FRMD3: variants seen among roughly 807,000 people sequenced by gnomAD.
FRMD3 encodes FERM domain-containing protein 3.
FRMD3 carries 33 observed loss-of-function variants against 70.2 expected under a neutral mutation model. That is an observed-to-expected ratio of 0.47 (90% CI 0.36 to 0.63). The LOEUF (loss-of-function observed/expected upper bound fraction) is 0.63, where lower values mean the gene tolerates loss of function less well. FRMD3 is among the 20% of genes least tolerant of loss of function. FRMD3 has a pLI of 0.00. For missense variants in FRMD3, 632 were observed against 711.4 expected, an observed-to-expected ratio of 0.89 and a Z score of 1.27; for synonymous variants, 279 against 255.9, an observed-to-expected ratio of 1.09 and a Z score of -0.86.
intron 13 of FRMD3, among the ~76,000 whole-genome samples, chr9:83,289,250 G>A (rs1834325438): frequency 6.6e-6 from 1 of 152,256 alleles, no homozygotes; most frequent in African/African-American, 2.4e-5. Flanking sequence ...GGACCCAGAG[G>A]CCCTTAGGCT....
Position 83,248,125 on chromosome 9 carries a change from G to A in FRMD3, c.1587C>T (p.Ser529=), listed in dbSNP as rs748726322. The A allele has an allele frequency of 3.3e-5, 54 of 1,614,054 alleles. 1 individual carries two copies. In the East Asian group the frequency reaches 1.0e-3, roughly 31 times the overall value. The change falls in exon 14 of 14, where the codon TCC becomes TCT. Residue 529 remains serine, a synonymous_variant. Coordinates refer to ENST00000304195, the MANE Select transcript of FRMD3 (RefSeq NM_174938.6). ...IRVNPLVKSF[S]RLLVVGLGLL... is the part of the protein sequence containing the mutation. ...GTCCCAGGCCCACCACAAGGAGCCTGGAAAAACTCTTGACCAGTGGGTTCA... is the reference window on the plus strand; with the variant it reads ...GTCCCAGGCCCACCACAAGGAGCCTAGAAAAACTCTTGACCAGTGGGTTCA...
At chr9:83,555,848 G>A in the FRMD3 span, among the ~76,000 whole-genome samples, 1 of 152,210 alleles carries the variant, frequency 6.6e-6, no homozygotes, top group Non-Finnish European at 1.5e-5. Flanking sequence ...GATGGAGTGG[G>A]TTCACAGGGA....
the FRMD3 span, among the ~76,000 whole-genome samples, chr9:83,562,347 T>C: frequency 6.6e-6 from 1 of 152,152 alleles, no homozygotes; most frequent in African/African-American, 2.4e-5. Flanking sequence ...TGTGCAAAGA[T>C]GGAGATGCGA....
intron 13 of FRMD3, among the ~76,000 whole-genome samples, chr9:83,260,208 G>C (rs569013912): frequency 6.6e-6 from 1 of 152,100 alleles, no homozygotes; most frequent in Admixed American, 6.6e-5. Flanking sequence ...ATGTCTACTC[G>C]GCTGGATACT....
chr9:83,344,948 G>C (rs1823905061), intron 4 of FRMD3, among the ~76,000 whole-genome samples: 1 of 149,826 alleles, frequency 6.7e-6, no homozygotes, highest in South Asian at 2.1e-4. Context: ...CACAGGAAGA[G>C]CGACATGTGT....
chr9:83,246,372 C>T lies in FRMD3; in HGVS notation c.*1546G>A. On this transcript the variant is annotated 3_prime_UTR_variant, in exon 14 of 14. Transcript: ENST00000304195. ...AGTACGTTGCTGATGGTACAATGCT[C>T]TAGTACCTTCCTTGATACCATTAAA... The T allele has an allele frequency of 1.0e-6, 1 of 983,400 alleles. No individual in the cohort carries two copies. The highest frequency in any genetic ancestry group is 1.2e-6 in the Non-Finnish European group (1 of 828,190). The allele number at this position is 983,400 out of a possible 1,614,324, so 60.9% of individuals were successfully genotyped here.
At chr9:83,274,661 G>A (rs909462793) in intron 13 of FRMD3, among the ~76,000 whole-genome samples, 4 of 152,174 alleles carry the variant, frequency 2.6e-5, no homozygotes, top group African/African-American at 7.2e-5. Flanking sequence ...GCCTTGCAGG[G>A]AACTAAGGCT....
the FRMD3 span, among the ~76,000 whole-genome samples, chr9:83,576,557 C>T: frequency 1.3e-5 from 2 of 152,014 alleles, no homozygotes; most frequent in Non-Finnish European, 2.9e-5. Context: ...AAGCCTACTA[C>T]CCACGAGTTA....
chr9:83,407,676 G>C (rs55938439), intron 1 of FRMD3, among the ~76,000 whole-genome samples: 18,015 of 152,148 alleles, frequency 0.12, 1,158 homozygotes, highest in South Asian at 0.15. Flanking sequence ...AAACCAATAA[G>C]TATTCTCTCA....
chr9:83,584,607 T>C, the FRMD3 span, among the ~76,000 whole-genome samples: 1 of 152,230 alleles, frequency 6.6e-6, no homozygotes, highest in Non-Finnish European at 1.5e-5. Flanking sequence ...GAAAGTTTTG[T>C]TTCTTGAAAC....
chr9:83,582,523 C>A, the FRMD3 span, among the ~76,000 whole-genome samples: 1 of 152,088 alleles, frequency 6.6e-6, no homozygotes, highest in Non-Finnish European at 1.5e-5. Context: ...TAGTAACTCC[C>A]ATTATATTGG....
intron 6 of FRMD3, among the ~76,000 whole-genome samples, chr9:83,316,991 G>A (rs749131858): frequency 6.6e-6 from 1 of 152,018 alleles, no homozygotes; most frequent in African/African-American, 2.4e-5. Context: ...GATCACTTGA[G>A]CCCAGAAGTT....
intron 12 of FRMD3, among the ~76,000 whole-genome samples, chr9:83,294,739 T>C (rs978440635): frequency 2.6e-5 from 4 of 152,198 alleles, no homozygotes; most frequent in African/African-American, 9.6e-5. Flanking sequence ...GATAATCTGA[T>C]TCCTGGTCCA....
intron 3 of FRMD3, chr9:83,351,023 T>C (rs1824137835): frequency 2.1e-6 from 2 of 966,064 alleles, no homozygotes; most frequent in South Asian, 4.8e-5. Flanking sequence ...TCAGTAAAGC[T>C]ACTTGGGATC....
rs936549774 is a variant in FRMD3 at position 83,537,488 on chromosome 9, C to T, written c.147+597G>A. Reference sequence around the variant, plus strand: ...CGCGCGCTCCATCCCTCAAGGCTGGCGCCCAGGGCAGCCCGGCCTCTCTCA... The same window carrying T: ...CGCGCGCTCCATCCCTCAAGGCTGGTGCCCAGGGCAGCCCGGCCTCTCTCA... On this transcript the variant is annotated intron_variant, in intron 1 of 13. Transcript: ENST00000304195. This position sits in a 1 kb window ranked among gnomAD's most constrained non-coding sequence, Gnocchi z 4.1. Among the ~76,000 whole-genome samples, 1 of 152,228 alleles carries T rather than the reference C, an allele frequency of 6.6e-6. No homozygotes were observed. The highest frequency in any genetic ancestry group is 2.4e-5 in the African/African-American group (1 of 41,456).
intron 6 of FRMD3, among the ~76,000 whole-genome samples, chr9:83,325,135 G>C (rs1024391095): frequency 2.2e-4 from 34 of 152,270 alleles, no homozygotes; most frequent in Admixed American, 2.1e-3. Flanking sequence ...ATAGAGTGTG[G>C]AATAATAGAC....
chr9:83,382,092 G>A (rs958345909), intron 2 of FRMD3, among the ~76,000 whole-genome samples: 7 of 151,690 alleles, frequency 4.6e-5, no homozygotes, highest in Admixed American at 1.3e-4. Flanking sequence ...TTTAAAGTAC[G>A]CTAGTAACTA....
chr9:83,448,512 A>G (rs1827546547), intron 1 of FRMD3, among the ~76,000 whole-genome samples: 1 of 152,190 alleles, frequency 6.6e-6, no homozygotes, highest in Non-Finnish European at 1.5e-5. Context: ...AGGGAGGGAA[A>G]ATAGAGGTGC....
At chr9:83,507,687 C>CACATATATAT (rs1374507996) in intron 1 of FRMD3, among the ~76,000 whole-genome samples, 2 of 46,930 alleles carry the variant, frequency 4.3e-5, no homozygotes, top group Admixed American at 3.2e-4. Context: ...AAAAAATATA[C>CACATATATAT]ATACATATAT....
Sources: gnomAD v4.1 joint callset for allele counts (sites outside exome capture counted in the v4.1 genomes callset) on GRCh38, gnomAD v4.1.1 for gene constraint, Gnocchi (gnomAD v3.1) non-coding constraint, MANE v1.5 for transcripts, NCBI Gene and HGNC (gene_info 2026-07-23, HGNC 2026-07-21) for gene names.